Variants in LRRC3B observed in about 807,000 individuals in gnomAD.
The protein encoded by LRRC3B is leucine rich repeat containing 3B.
A neutral mutation model predicts 12.8 loss-of-function variants in LRRC3B; 2 were observed. The ratio of observed to expected loss-of-function variants is 0.16; its 90% CI spans 0.06 to 0.49. The LOEUF is 0.49. Among genes scored for constraint, LRRC3B ranks in the 20% least tolerant of loss-of-function variants. The pLI is 0.96. For synonymous variants in LRRC3B, 132 were observed against 122.0 expected (o/e 1.08, Z -0.54); for missense variants, 189 against 319.4 (o/e 0.59, Z 3.11).
rs1166443015 is a variant in LRRC3B, at chr3:26,638,292, C to T, written c.-161+15055C>T. On this transcript the variant is annotated intron_variant, in intron 1 of 1. Coordinates refer to ENST00000396641, the Ensembl canonical transcript of LRRC3B. ...TCAGGATTTGTAGAAAACATATTGT[C>T]ATATGAAAAAAAAAGTTGTGACTTT... 2.6e-5 allele frequency among the ~76,000 whole-genome samples: 4 copies of T among 151,372 alleles called. No homozygotes were observed. The East Asian group carries it at 7.7e-4, about 29-fold the overall frequency.
intron 1 of LRRC3B, among the ~76,000 whole-genome samples, chr3:26,668,081 A>G (rs1699645300): frequency 6.6e-6 from 1 of 152,088 alleles, no homozygotes; most frequent in Non-Finnish European, 1.5e-5. Context: ...TCTGGGTTGC[A>G]GTTAGATATT....
At chr3:26,684,721 G>C (rs1478329782) in intron 1 of LRRC3B, among the ~76,000 whole-genome samples, 1 of 152,108 alleles carries the variant, frequency 6.6e-6, no homozygotes, top group Non-Finnish European at 1.5e-5. Flanking sequence ...CCTCTCAAAG[G>C]TATCACCTCT....
chr3:26,640,924 T>C (rs551459788), intron 1 of LRRC3B, among the ~76,000 whole-genome samples: 4 of 152,120 alleles, frequency 2.6e-5, no homozygotes, highest in Non-Finnish European at 4.4e-5. Flanking sequence ...TTCATATGAA[T>C]TGAGGTGTGA....
chr3:26,672,045 C>T (rs1699759857), intron 1 of LRRC3B, among the ~76,000 whole-genome samples: 1 of 152,190 alleles, frequency 6.6e-6, no homozygotes, highest in African/African-American at 2.4e-5. Flanking sequence ...AACGTGTTCT[C>T]TGCACCTCAA....
At chr3:26,653,814 G>A (rs1407365506) in intron 1 of LRRC3B, among the ~76,000 whole-genome samples, 6 of 152,196 alleles carry the variant, frequency 3.9e-5, no homozygotes, top group African/African-American at 1.4e-4. Context: ...GTGTCCTGAA[G>A]TAGTTAGCAT....
At chr3:26,696,445 T>C (rs946811097) in intron 1 of LRRC3B, among the ~76,000 whole-genome samples, 6 of 152,230 alleles carry the variant, frequency 3.9e-5, no homozygotes, top group Non-Finnish European at 7.3e-5. Flanking sequence ...TGTTGTAGTC[T>C]CAGGGCTTGA....
chr3:26,668,329 T>A (rs2125428709), intron 1 of LRRC3B, among the ~76,000 whole-genome samples: 1 of 152,170 alleles, frequency 6.6e-6, no homozygotes, highest in African/African-American at 2.4e-5. Context: ...GATCATGACA[T>A]TAGAGAGCTT....
chr3:26,696,012 C>G (rs546167386), intron 1 of LRRC3B, among the ~76,000 whole-genome samples: 1 of 152,166 alleles, frequency 6.6e-6, no homozygotes, highest in African/African-American at 2.4e-5. Context: ...TCAGCTGGCT[C>G]GTTCAATGAT....
chr3:26,671,693 A>G (rs1384294848), intron 1 of LRRC3B, among the ~76,000 whole-genome samples: 1 of 152,004 alleles, frequency 6.6e-6, no homozygotes, highest in Non-Finnish European at 1.5e-5. Flanking sequence ...GCACCTGGCC[A>G]TAAAAATAAT....
At chr3:26,626,673 C>T (rs1698633787) in intron 1 of LRRC3B, among the ~76,000 whole-genome samples, 1 of 152,106 alleles carries the variant, frequency 6.6e-6, no homozygotes, top group South Asian at 2.1e-4. Flanking sequence ...CGTATAAATG[C>T]TTCTCAATCA....
chr3:26,702,788 G>C (rs946564847), intron 1 of LRRC3B, among the ~76,000 whole-genome samples: 1 of 152,098 alleles, frequency 6.6e-6, no homozygotes, highest in African/African-American at 2.4e-5. Context: ...TCTGAATTAG[G>C]AAAGAGGCCA....
At chr3:26,709,471 CT>C (rs1365546687) in intron 1 of LRRC3B, 41 bp from the exon 2 acceptor site, 1 of 599,824 alleles carries the variant, frequency 1.7e-6, no homozygotes, top group East Asian at 2.8e-5. Flanking sequence ...ATGTACCTCC[CT>C]TTGCAAAGGA....
At chr3:26,653,063 A>C (rs1284343088) in intron 1 of LRRC3B, among the ~76,000 whole-genome samples, 1 of 151,478 alleles carries the variant, frequency 6.6e-6, no homozygotes, top group Admixed American at 6.6e-5. Context: ...ACTTAAGGAG[A>C]AGGCCTCAAA....
chr3:26,693,126 C>T (rs910498084), intron 1 of LRRC3B, among the ~76,000 whole-genome samples: 7 of 151,596 alleles, frequency 4.6e-5, no homozygotes, highest in Admixed American at 2.0e-4. Context: ...GTCAGGAGAT[C>T]GAGACCATCC....
At chr3:26,642,065 T>C (rs1699041919) in intron 1 of LRRC3B, among the ~76,000 whole-genome samples, 1 of 152,204 alleles carries the variant, frequency 6.6e-6, no homozygotes, top group African/African-American at 2.4e-5. Context: ...AGAAGAGTGG[T>C]ATTATTGTAT....
rs143041721 is a variant in LRRC3B at position 26,707,258 on chromosome 3, G to A, written c.-160-2255G>A. ...TGTGTGCCTATAGTTCCAGATACTC[G>A]GGAGGCTGGGGTGGGAGAATTGCTG... is the stretch of plus-strand genomic sequence containing the variant. On this transcript the variant is annotated intron_variant, in intron 1 of 1. Transcript: ENST00000396641. 2.0e-3 allele frequency among the ~76,000 whole-genome samples: 305 copies of A among 151,634 alleles called. 2 individuals carry two copies. Among genetic ancestry groups the A allele is most frequent in the African/African-American group, 5.9e-3 (244 of 41,374 alleles).
chr3:26,657,136 C>T (rs944820879), intron 1 of LRRC3B, among the ~76,000 whole-genome samples: 5 of 152,138 alleles, frequency 3.3e-5, no homozygotes, highest in Non-Finnish European at 7.4e-5. Flanking sequence ...AATATAATCA[C>T]AGCTTTCTGC....
intron 1 of LRRC3B, among the ~76,000 whole-genome samples, chr3:26,672,945 C>G (rs1699781437): frequency 6.6e-6 from 1 of 152,294 alleles, no homozygotes; most frequent in South Asian, 2.1e-4. Context: ...ACTTCTCCTT[C>G]AAAATGTGAA....
chr3:26,673,193 T>TTTTTTTCTAGAAGTCATTCTTTA (rs1417022375), intron 1 of LRRC3B, among the ~76,000 whole-genome samples: 2 of 152,182 alleles, frequency 1.3e-5, no homozygotes, highest in Non-Finnish European at 2.9e-5. Flanking sequence ...TTGCTTTTAT[T>TTTTTTTCTAGAAGTCATTCTTTA]TTTTTTCTAG....
Sources: gnomAD v4.1 joint callset for allele counts (sites outside exome capture counted in the v4.1 genomes callset) on GRCh38, gnomAD v4.1.1 for gene constraint, MANE v1.5 for transcripts, NCBI Gene and HGNC (gene_info 2026-07-23, HGNC 2026-07-21) for gene names.